Variants in CIMIP2A observed in about 807,000 individuals in gnomAD.
CIMIP2A encodes the protein family with sequence similarity 166 member A.
the CIMIP2A span, chr9:137,245,183 G>A: frequency 1.6e-5 from 19 of 1,157,402 alleles, no homozygotes; most frequent in Middle Eastern, 2.0e-4. Context: ...GGCGGCGGGC[G>A]GGGGGTGGGT....
chr9:137,252,997 AT>A, the CIMIP2A span: 1 of 1,419,004 alleles, frequency 7.0e-7, no homozygotes, highest in Non-Finnish European at 9.7e-7. Context: ...AGGGCTAGGG[AT>A]GGGGCATGGG....
the CIMIP2A span, chr9:137,250,208 A>T: frequency 6.6e-6 from 1 of 152,040 alleles, no homozygotes; most frequent in Non-Finnish European, 1.5e-5. Context: ...CACCTTCTCA[A>T]GGAGAGGATG....
chr9:137,251,253 T>C, the CIMIP2A span: 4 of 1,390,048 alleles, frequency 2.9e-6, no homozygotes, highest in Non-Finnish European at 4.1e-6. Context: ...CAGAGCTCCG[T>C]GGTGCCGTTG....
At chr9:137,245,463 TC>T in the CIMIP2A span, 262 of 1,613,920 alleles carry the variant, frequency 1.6e-4, no homozygotes, top group African/African-American at 3.0e-3. Context: ...GCAGAATCTG[TC>T]TGGGTATGTT....
At chr9:137,246,378 A>G in the CIMIP2A span, among the ~76,000 whole-genome samples, 34 of 152,026 alleles carry the variant, frequency 2.2e-4, no homozygotes, top group African/African-American at 6.8e-4. Flanking sequence ...CCCTCATTCA[A>G]CCTCGAGGGG....
At chr9:137,253,103 C>T in the CIMIP2A span, 5 of 1,551,038 alleles carry the variant, frequency 3.2e-6, no homozygotes, top group Non-Finnish European at 4.4e-6. Context: ...TCCCAGCCTT[C>T]TCTTTCGGCA....
At chr9:137,244,751 A>T in the CIMIP2A span, 1 of 1,610,770 alleles carries the variant, frequency 6.2e-7, no homozygotes, top group Admixed American at 1.7e-5. Flanking sequence ...GGGTAGGCAG[A>T]TGTACGGGCT....
the CIMIP2A span, among the ~76,000 whole-genome samples, chr9:137,251,565 G>A: frequency 6.7e-6 from 1 of 150,232 alleles, no homozygotes; most frequent in African/African-American, 2.5e-5. Context: ...AGGGACAGTA[G>A]AGGGGACAGG....
At chr9:137,246,271 C>T in the CIMIP2A span, among the ~76,000 whole-genome samples, 9 of 152,322 alleles carry the variant, frequency 5.9e-5, no homozygotes, top group South Asian at 1.4e-3. Context: ...GAGGGTGTTG[C>T]GTGGGCTTGG....
At chr9:137,245,788 T>C in the CIMIP2A span, 1 of 1,538,074 alleles carries the variant, frequency 6.5e-7, no homozygotes, top group Non-Finnish European at 8.8e-7. Context: ...TGTGAGCAGC[T>C]GCCCCGTGGT....
the CIMIP2A span, chr9:137,245,505 C>G: frequency 6.2e-7 from 1 of 1,613,888 alleles, no homozygotes; most frequent in Non-Finnish European, 8.5e-7. Context: ...GGGCGTCCAC[C>G]TCCAAGGGTG....
the CIMIP2A span, chr9:137,244,479 G>A: frequency 2.7e-6 from 4 of 1,496,128 alleles, no homozygotes; most frequent in Admixed American, 4.3e-5. Context: ...TCAGGAGAGA[G>A]GGGTTGGGGC....
At chr9:137,244,125 C>T in the CIMIP2A span, 8 of 1,576,734 alleles carry the variant, frequency 5.1e-6, no homozygotes, top group South Asian at 1.1e-5. Flanking sequence ...CGTCCCTCCC[C>T]ACATTGGCCG....
At chr9:137,245,024 C>G in the CIMIP2A span, 2 of 1,610,474 alleles carry the variant, frequency 1.2e-6, no homozygotes, top group Non-Finnish European at 8.5e-7. Context: ...CTCAGGGGCT[C>G]TCACACTGCA....
At chr9:137,248,932 C>T in the CIMIP2A span, among the ~76,000 whole-genome samples, 103,046 of 152,000 alleles carry the variant, frequency 0.68, 35,584 homozygotes, top group Admixed American at 0.77. Context: ...GCAGTAAGTG[C>T]TATGAACAAA....
the CIMIP2A span, among the ~76,000 whole-genome samples, chr9:137,248,117 C>G: frequency 6.6e-6 from 1 of 152,254 alleles, no homozygotes; most frequent in Non-Finnish European, 1.5e-5. Context: ...TGGCTCGAGT[C>G]AGGGGCTTCC....
At chr9:137,248,966 T>C in the CIMIP2A span, among the ~76,000 whole-genome samples, 3 of 151,312 alleles carry the variant, frequency 2.0e-5, no homozygotes, top group East Asian at 5.8e-4. Context: ...TAAAAAGCTC[T>C]CACAAAACAA....
At chr9:137,252,655 C>G in the CIMIP2A span, 1 of 1,539,238 alleles carries the variant, frequency 6.5e-7, no homozygotes, top group African/African-American at 1.4e-5. Flanking sequence ...CTCCTACCCC[C>G]TCGCAGTGGC....
chr9:137,251,774 G>T, the CIMIP2A span: 1 of 1,587,802 alleles, frequency 6.3e-7, no homozygotes, highest in East Asian at 2.3e-5. Flanking sequence ...GCCCGGAGCC[G>T]GGGATGGCCT....
Sources: allele counts gnomAD v4.1 joint callset (sites outside exome capture counted in the v4.1 genomes callset), GRCh38; gene constraint gnomAD v4.1.1; transcripts MANE v1.5; gene names NCBI Gene and HGNC (gene_info 2026-07-23, HGNC 2026-07-21).